ZG16B: variants seen among roughly 807,000 people sequenced by gnomAD.
The protein encoded by ZG16B is zymogen granule protein 16B, also known as pancreatic adenocarcinoma up-regulated factor.
Under a neutral mutation model 7.0 loss-of-function variants are expected in ZG16B, and 8 were observed. The observed-to-expected ratio is 1.15, with a 90% CI of 0.68 to 2.08. ZG16B has a LOEUF of 2.08. Among genes scored for constraint, ZG16B ranks in the 30% most tolerant of loss-of-function variants. The pLI, the probability that ZG16B is intolerant of heterozygous loss-of-function variation, is 0.00. For synonymous variants in ZG16B, 92 were observed against 86.1 expected (o/e 1.07, Z -0.38); for missense variants, 232 against 211.0 (o/e 1.10, Z -0.62).
chr16:2,831,353 G>C (rs1007485372), intron 3 of ZG16B, among the ~76,000 whole-genome samples: 3 of 152,186 alleles, frequency 2.0e-5, no homozygotes, highest in African/African-American at 7.2e-5. Context: ...GCCCCGTCAG[G>C]GAAGCGCTGG....
chr16:2,831,161 T>G (rs74509848), intron 3 of ZG16B: 4,438 of 220,820 alleles, frequency 0.02, 198 homozygotes, highest in African/African-American at 0.096. Context: ...TCCAGGGCCA[T>G]TTCCTTAATA....
chr16:2,832,163 G>C lies in ZG16B; in HGVS notation c.*4G>C, dbSNP rs73495346. 3.1e-6 allele frequency: 5 copies of C among 1,609,730 alleles called. No individual in the cohort carries two copies. The East Asian group carries it at 6.7e-5, about 22-fold the overall frequency. On this transcript the variant is annotated 3_prime_UTR_variant, in exon 4 of 4. Coordinates refer to ENST00000382280, the MANE Select transcript of ZG16B (RefSeq NM_145252.3). ...AAACTCACCCGTGGGTCGCTAGGGT[G>C]GGGTATGGGGCCATCCGAGCTGAGG...
Position 2,830,514 on chromosome 16 carries a change from C to T in ZG16B, c.52+21C>T, listed in dbSNP as rs539777897. 3.1e-6 allele frequency: 5 copies of T among 1,593,608 alleles called. No individual in the cohort carries two copies. In the African/African-American group the frequency reaches 4.0e-5, roughly 13 times the overall value. ...AGGGAGTAAGTCAGTGGGGTCTGCC[C>T]TCAATCTCCCCTGCCTCCCTCCAGG... On this transcript the variant is annotated intron_variant, in intron 2 of 3. Coordinates refer to ENST00000382280, the MANE Select transcript of ZG16B (RefSeq NM_145252.3).
At chr16:2,830,953 A>G in intron 3 of ZG16B, 157 bp downstream of exon 3, 1 of 743,858 alleles carries the variant, frequency 1.3e-6, no homozygotes, top group Non-Finnish European at 2.2e-6. Context: ...TCCTGGCTGG[A>G]GCGGAGACGG....
rs1472392330 is a variant in ZG16B at position 2,832,106 on chromosome 16, A to G, written c.466A>G (p.Thr156Ala). The change falls in exon 4 of 4, where the codon ACT (threonine) becomes GCT (alanine). Residue 156 changes from threonine (T) to alanine (A), a missense_variant. By Grantham distance (58) the Thr-to-Ala change is moderately conservative (BLOSUM62 0). Transcript: ENST00000382280. ...GAATTATCCACTAGAGGAGCCGACC[A>G]CTGAGCCACCAGTTAATCTCACATA... Reference protein sequence around the residue: ...EWNYPLEEPTTEPPVNLTYSA... With the variant: ...EWNYPLEEPTAEPPVNLTYSA... The G allele has an allele frequency of 1.2e-6, 2 of 1,613,962 alleles. No individual in the cohort carries two copies. Among genetic ancestry groups the G allele is most frequent in the Non-Finnish European group, 1.7e-6 (2 of 1,179,998 alleles).
rs771415918 is a variant in ZG16B at position 2,832,162 on chromosome 16, TG to T, written c.*7del. On this transcript the variant is annotated 3_prime_UTR_variant, in exon 4 of 4. Transcript: ENST00000382280. Reference sequence around the variant, plus strand: ...CAAACTCACCCGTGGGTCGCTAGGGTGGGGTATGGGGCCATCCGAGCTGAGG... The same window carrying T: ...CAAACTCACCCGTGGGTCGCTAGGGTGGGTATGGGGCCATCCGAGCTGAGG... 5.3e-5 allele frequency: 86 copies of T among 1,609,480 alleles called. 2 individuals are homozygous for T. The Admixed American group carries it at 1.4e-3, about 26-fold the overall frequency.
rs559867098 is a variant in ZG16B at position 2,831,975 on chromosome 16, T to C, written c.335T>C (p.Leu112Pro). 6 of 1,614,140 alleles carry C rather than the reference T, an allele frequency of 3.7e-6. No homozygotes were observed. The East Asian group carries it at 6.7e-5, about 18-fold the overall frequency. ...GACCGCTATTTCTATTTTGGGAAGCTTGATGGCCAGATCTCCTCTGCCTAC... is the reference window on the plus strand; with the variant it reads ...GACCGCTATTTCTATTTTGGGAAGCCTGATGGCCAGATCTCCTCTGCCTAC... ...SKDRYFYFGK[L>P]DGQISSAYPS... Residue 112 changes from leucine to proline, a missense_variant, in exon 4 of 4, where the codon CTT (leucine) becomes CCT (proline). By Grantham distance (98) the Leu-to-Pro change is moderately conservative. Transcript: ENST00000382280.
In ZG16B at chr16:2,832,114, A is replaced by G. The variant is rs34143060; in HGVS notation, c.474A>G (p.Pro158=). The change falls in exon 4 of 4, where the codon CCA becomes CCG. Residue 158 remains proline (P), a synonymous_variant. Transcript: ENST00000382280. ...NYPLEEPTTE[P]PVNLTYSANS... is the part of the protein sequence containing the mutation. ...CACTAGAGGAGCCGACCACTGAGCC[A>G]CCAGTTAATCTCACATACTCAGCAA... 1 of 1,613,942 alleles carries G rather than the reference A, an allele frequency of 6.2e-7. No homozygotes were observed. Among genetic ancestry groups the G allele is most frequent in the Non-Finnish European group, 8.5e-7 (1 of 1,180,012 alleles).
chr16:2,830,358 C>T (rs754702782), intron 1 of ZG16B, 30 bp downstream of exon 1: 13 of 1,609,692 alleles, frequency 8.1e-6, no homozygotes, highest in East Asian at 2.2e-5. Flanking sequence ...GGGTGGGGCC[C>T]GGCAAGGTCA....
At position 2,830,316 on chromosome 16, in the gene ZG16B, A is replaced by G. The variant is rs781166874; in HGVS notation, c.-40A>G. The G allele has an allele frequency of 2.5e-6, 4 of 1,613,354 alleles. No homozygotes were observed. The highest frequency in any genetic ancestry group is 3.4e-6 in the Non-Finnish European group (4 of 1,179,710). ...GGGTGCCCGGCACAACCAGACGCCCAGTCACAGGCGAGGTAAGGTGCTTGG... is the reference window on the plus strand; with the variant it reads ...GGGTGCCCGGCACAACCAGACGCCCGGTCACAGGCGAGGTAAGGTGCTTGG... On this transcript the variant is annotated 5_prime_UTR_variant, in exon 1 of 4. Coordinates refer to ENST00000382280, the MANE Select transcript of ZG16B (RefSeq NM_145252.3).
intron 3 of ZG16B, chr16:2,831,259 T>A (rs563705745): frequency 1.1e-5 from 2 of 186,556 alleles, no homozygotes; most frequent in South Asian, 2.2e-4. Flanking sequence ...AGAAGCCCAA[T>A]AGCAGAGGAG....
In ZG16B at chr16:2,831,879, G is replaced by A. The variant is rs1211877533; in HGVS notation, c.239G>A (p.Gly80Asp). 2 of 1,614,012 alleles carry A rather than the reference G, an allele frequency of 1.2e-6. No homozygotes were observed. The highest frequency in any genetic ancestry group is 2.7e-5 in the African/African-American group (2 of 74,898). ...GNTQEVTLQPGEYITKVFVAF... is the reference protein window; with the variant it reads ...GNTQEVTLQPDEYITKVFVAF... ...ACCCAGGAAGTCACCCTGCAGCCAGGCGAATACATCACAAAAGTCTTTGTC... is the reference window on the plus strand; with the variant it reads ...ACCCAGGAAGTCACCCTGCAGCCAGACGAATACATCACAAAAGTCTTTGTC... Residue 80 changes from glycine to aspartate, a missense_variant, in exon 4 of 4, where the codon GGC becomes GAC. Coordinates refer to ENST00000382280, the MANE Select transcript of ZG16B (RefSeq NM_145252.3).
chr16:2,830,410 C>T lies in ZG16B; in HGVS notation c.-27-5C>T. 6.2e-7 allele frequency: 1 copy of T among 1,603,804 alleles called. No individual in the cohort carries two copies. Among genetic ancestry groups the T allele is most frequent in the Admixed American group, 1.7e-5 (1 of 58,468 alleles). On this transcript the variant is annotated splice_polypyrimidine_tract_variant and splice_region_variant and intron_variant, in intron 1 of 3. Transcript: ENST00000382280. ...GGAGTCAGGAGGCCTCTCTTCTTCC[C>T]ACAGAGCCCTGGGATGCACCGGCCA... is the stretch of plus-strand genomic sequence containing the variant.
rs1370248174 is a variant in ZG16B, at chr16:2,832,080, G to A, written c.440G>A (p.Trp147Ter). Residue 147 changes from tryptophan (W) to a stop codon, truncating the protein, a stop_gained, in exon 4 of 4, where the codon TGG becomes TAG. Transcript: ENST00000382280. LOFTEE classifies it low-confidence loss of function (END_TRUNC). ...GGCATCAAGAGCATTGGCTTTGAAT[G>A]GAATTATCCACTAGAGGAGCCGACC... Reference protein sequence around the residue: ...LLGIKSIGFEWNYPLEEPTTE... With the variant: ...LLGIKSIGFE 2 of 1,614,018 alleles carry A rather than the reference G, an allele frequency of 1.2e-6. No individual in the cohort carries two copies. Among genetic ancestry groups the A allele is most frequent in the South Asian group, 1.1e-5 (1 of 91,080 alleles).
intron 3 of ZG16B, 42 bp from the exon 4 acceptor site, chr16:2,831,754 C>T: frequency 6.3e-7 from 1 of 1,577,950 alleles, no homozygotes; most frequent in Non-Finnish European, 8.6e-7. Flanking sequence ...ATGTGCTGGG[C>T]CATCCCAGAT....
rs889537994 is a variant in ZG16B, at chr16:2,831,881, G to A, written c.241G>A (p.Glu81Lys). Residue 81 changes from glutamate (E) to lysine (K), a missense_variant, in exon 4 of 4, where the codon GAA (glutamate) becomes AAA (lysine). Glu to Lys is a moderately conservative substitution (Grantham distance 56). Transcript: ENST00000382280. ...CCAGGAAGTCACCCTGCAGCCAGGC[G>A]AATACATCACAAAAGTCTTTGTCGC... The part of the protein sequence containing the change: ...NTQEVTLQPG[E>K]YITKVFVAFQ... 19 of 1,613,986 alleles carry A rather than the reference G, an allele frequency of 1.2e-5. No individual in the cohort carries two copies. In the South Asian group the frequency reaches 1.2e-4, roughly 10 times the overall value.
In ZG16B at chr16:2,830,422, G is replaced by T; in HGVS notation, c.-20G>T. ...CCTCTCTTCTTCCCACAGAGCCCTG[G>T]GATGCACCGGCCAGAGGCCATGCTG... On this transcript the variant is annotated 5_prime_UTR_variant, in exon 2 of 4. Coordinates refer to ENST00000382280, the MANE Select transcript of ZG16B (RefSeq NM_145252.3). 1.2e-5 allele frequency: 19 copies of T among 1,603,936 alleles called. No individual in the cohort carries two copies. Among genetic ancestry groups the T allele is most frequent in the Non-Finnish European group, 1.6e-5 (19 of 1,175,856 alleles).
At position 2,832,267 on chromosome 16, in the gene ZG16B, T is replaced by C; in HGVS notation, c.*108T>C. The C allele has an allele frequency of 6.8e-7, 1 of 1,471,292 alleles. No homozygotes were observed. The highest frequency in any genetic ancestry group is 9.1e-7 in the Non-Finnish European group (1 of 1,100,256). 91.1% of individuals were successfully genotyped at this position (1,471,292 alleles called of 1,614,324 possible). On this transcript the variant is annotated 3_prime_UTR_variant, in exon 4 of 4. Coordinates refer to ENST00000382280, the MANE Select transcript of ZG16B (RefSeq NM_145252.3). ...ATCTGAATCCACCAATAAATAAAGG[T>C]TCTGCAGAATCAGTGCATCCAGGAT... is the stretch of plus-strand genomic sequence containing the variant.
At position 2,831,831 on chromosome 16, in the gene ZG16B, A is replaced by C; in HGVS notation, c.191A>C (p.Lys64Thr). The C allele has an allele frequency of 6.2e-7, 1 of 1,613,916 alleles. No individual in the cohort carries two copies. Among genetic ancestry groups the C allele is most frequent in the Non-Finnish European group, 8.5e-7 (1 of 1,179,934 alleles). The change falls in exon 4 of 4, where the codon AAA becomes ACA. Residue 64 changes from lysine (K) to threonine (T), a missense_variant. Transcript: ENST00000382280. ...AAACTTGGAGACTCCTGGGACGTGA[A>C]ACTGGGAGCCTTAGGTGGGAATACC... Reference protein sequence around the residue: ...QVKLGDSWDVKLGALGGNTQE... With the variant: ...QVKLGDSWDVTLGALGGNTQE...
Sources: allele counts gnomAD v4.1 joint callset (sites outside exome capture counted in the v4.1 genomes callset), GRCh38; gene constraint gnomAD v4.1.1; transcripts MANE v1.5; gene names NCBI Gene and HGNC (gene_info 2026-07-23, HGNC 2026-07-21).